CACNG2: variants seen among roughly 807,000 people sequenced by gnomAD.
CACNG2 encodes the protein calcium voltage-gated channel auxiliary subunit gamma 2.
CACNG2 carries 3 observed loss-of-function variants against 25.9 expected under a neutral mutation model. The observed-to-expected ratio is 0.12, with a 90% CI of 0.05 to 0.30. CACNG2 has a LOEUF of 0.30. Among genes scored for constraint, CACNG2 ranks in the 10% least tolerant of loss-of-function variants. The probability of loss-of-function intolerance (pLI) is 1.00; values close to 1 mark genes in which losing one functional copy is unlikely to be tolerated. For missense variants in CACNG2, 341 were observed against 432.5 expected, an observed-to-expected ratio of 0.79 and a Z score of 1.88; for synonymous variants, 167 against 173.3, an observed-to-expected ratio of 0.96 and a Z score of 0.29.
intron 1 of CACNG2, among the ~76,000 whole-genome samples, chr22:36,667,205 G>A (rs1317136819): frequency 2.6e-5 from 4 of 152,038 alleles, no homozygotes; most frequent in Admixed American, 6.6e-5. Context: ...TTCTGACCTC[G>A]GCCTTCCAAA....
Position 36,702,468 on chromosome 22 carries a change from T to C in CACNG2, c.109A>G (p.Arg37Gly). 6.2e-7 allele frequency: 1 copy of C among 1,614,088 alleles called. No individual in the cohort carries two copies. The highest frequency in any genetic ancestry group is 8.5e-7 in the Non-Finnish European group (1 of 1,179,976). Residue 37 changes from arginine to glycine, a missense_variant, in exon 1 of 4, where the codon AGA becomes GGA. Transcript: ENST00000300105. ...AVGTDYWLYS[R>G]GVCKTKSVSE... ...ACACTTTTGGTCTTGCAAACCCCTC[T>C]GGAGTAGAGCCAATAGTCGGTTCCC...
At chr22:36,662,530 C>A (rs1936814043) in intron 1 of CACNG2, among the ~76,000 whole-genome samples, 1 of 152,224 alleles carries the variant, frequency 6.6e-6, no homozygotes, top group Admixed American at 6.5e-5. Context: ...TCTGCCTTTG[C>A]ATTCCCTCTG....
In CACNG2 at chr22:36,564,072, T is replaced by A. The variant is rs994355448; in HGVS notation, c.*279A>T. The A allele has an allele frequency of 4.7e-5, 15 of 322,128 alleles. No homozygotes were observed. Among genetic ancestry groups the A allele is most frequent in the Non-Finnish European group, 5.6e-6 (1 of 178,442 alleles). The allele number at this position is 322,128 out of a possible 1,614,324, so 20.0% of individuals were successfully genotyped here. A position where few individuals can be genotyped will look rare whatever the true frequency, so the allele number is the denominator to read the frequency against. On this transcript the variant is annotated 3_prime_UTR_variant, in exon 4 of 4. Coordinates refer to ENST00000300105, the MANE Select transcript of CACNG2 (RefSeq NM_006078.5). This position sits in a 1 kb window ranked among gnomAD's most constrained non-coding sequence, Gnocchi z 6.7. ...ATTTTTTATCCCTCTCGCTTTTTTTTAAAGTTTGTTTTCTTCCCTCGTTTA... is the reference window on the plus strand; with the variant it reads ...ATTTTTTATCCCTCTCGCTTTTTTTAAAAGTTTGTTTTCTTCCCTCGTTTA...
At chr22:36,631,772 G>C (rs1029140581) in intron 1 of CACNG2, among the ~76,000 whole-genome samples, 12 of 150,480 alleles carry the variant, frequency 8.0e-5, no homozygotes, top group Non-Finnish European at 1.5e-4. Context: ...AGCCAGTTTG[G>C]GTTGTGTTTT....
At chr22:36,599,544 T>A (rs1239783436) in intron 1 of CACNG2, among the ~76,000 whole-genome samples, 6 of 151,720 alleles carry the variant, frequency 4.0e-5, no homozygotes, top group Non-Finnish European at 7.4e-5. Flanking sequence ...TACAAAAAAA[T>A]AAAAAATTAG....
chr22:36,666,184 C>T (rs928558424), intron 1 of CACNG2, among the ~76,000 whole-genome samples: 3 of 152,082 alleles, frequency 2.0e-5, no homozygotes, highest in South Asian at 4.1e-4. Flanking sequence ...GTGGGAGGCT[C>T]GCTTTAGCCT....
At position 36,564,957 on chromosome 22, in the gene CACNG2, G is replaced by A; in HGVS notation, c.437-71C>T. The A allele has an allele frequency of 7.0e-7, 1 of 1,432,976 alleles. No individual in the cohort carries two copies. The highest frequency in any genetic ancestry group is 9.7e-7 in the Non-Finnish European group (1 of 1,029,940). 88.8% of individuals were successfully genotyped at this position (1,432,976 alleles called of 1,614,324 possible). On this transcript the variant is annotated intron_variant, in intron 3 of 3. Transcript: ENST00000300105. This position sits in a 1 kb window ranked among gnomAD's most constrained non-coding sequence, Gnocchi z 6.7. ...TTAGTTTCTCAGGAAGTCGGCCACA[G>A]GGCAGCCGTAAAGGACGGGGACAGC...
chr22:36,695,095 C>A (rs1288360279), intron 1 of CACNG2, among the ~76,000 whole-genome samples: 3 of 152,098 alleles, frequency 2.0e-5, no homozygotes, highest in Non-Finnish European at 4.4e-5. Context: ...TTGCGCCTGT[C>A]TTCTCAGCTA....
intron 1 of CACNG2, among the ~76,000 whole-genome samples, chr22:36,628,174 CT>C (rs2145955764): frequency 6.6e-6 from 1 of 152,184 alleles, no homozygotes; most frequent in South Asian, 2.1e-4. Flanking sequence ...GCATGTTTTG[CT>C]TATACAATCA....
chr22:36,683,589 A>G (rs1937155972), intron 1 of CACNG2, among the ~76,000 whole-genome samples: 1 of 152,138 alleles, frequency 6.6e-6, no homozygotes, highest in South Asian at 2.1e-4. Flanking sequence ...TCCCCCACTC[A>G]GGTATGATCA....
In CACNG2 at chr22:36,663,159, C is replaced by T. The variant is rs535433716; in HGVS notation, c.211+39207G>A. ...AGCCCTTTGAGAGGAGACCCTTGCCCAAGTCGGTCTACGGGTGGGTGCCTG... is the reference window on the plus strand; with the variant it reads ...AGCCCTTTGAGAGGAGACCCTTGCCTAAGTCGGTCTACGGGTGGGTGCCTG... On this transcript the variant is annotated intron_variant, in intron 1 of 3. Coordinates refer to ENST00000300105, the MANE Select transcript of CACNG2 (RefSeq NM_006078.5). Among the ~76,000 whole-genome samples the T allele has an allele frequency of 1.8e-4, 28 of 152,244 alleles. No homozygotes were observed. The East Asian group carries it at 5.2e-3, about 28-fold the overall frequency.
At chr22:36,701,055 C>A (rs1281584173) in intron 1 of CACNG2, among the ~76,000 whole-genome samples, 1 of 152,094 alleles carries the variant, frequency 6.6e-6, no homozygotes, top group Non-Finnish European at 1.5e-5. Flanking sequence ...CATCCATTTC[C>A]CTCTCTTCTC....
chr22:36,575,578 G>A lies in CACNG2; in HGVS notation c.296-9085C>T, dbSNP rs556826727. Among the ~76,000 whole-genome samples, 3 of 152,252 alleles carry A rather than the reference G, an allele frequency of 2.0e-5. No homozygotes were observed. In the South Asian group the frequency reaches 6.2e-4, roughly 32 times the overall value. On this transcript the variant is annotated intron_variant, in intron 2 of 3. Coordinates refer to ENST00000300105, the MANE Select transcript of CACNG2 (RefSeq NM_006078.5). The stretch of plus-strand genomic sequence containing the variant: ...AGGTCAGGAGACCTGGGCCTGCTGT[G>A]CACTCTTTGCCTAGCTCTCCACGGG...
intron 1 of CACNG2, among the ~76,000 whole-genome samples, chr22:36,636,626 T>C (rs1936361602): frequency 6.6e-6 from 1 of 152,266 alleles, no homozygotes; most frequent in Non-Finnish European, 1.5e-5. Flanking sequence ...AAATGTTTAC[T>C]CTGTGCCAGA....
At position 36,585,760 on chromosome 22, in the gene CACNG2, C is replaced by G. The variant is rs906104438; in HGVS notation, c.295+1705G>C. Among the ~76,000 whole-genome samples, 8 of 152,194 alleles carry G rather than the reference C, an allele frequency of 5.3e-5. No homozygotes were observed. The East Asian group carries it at 1.5e-3, about 29-fold the overall frequency. ...TCAAATCAGACCTTCAGAATCCTGT[C>G]GTTGCCAATCTGAGTCCAAGTCTTT... On this transcript the variant is annotated intron_variant, in intron 2 of 3. Coordinates refer to ENST00000300105, the MANE Select transcript of CACNG2 (RefSeq NM_006078.5).
chr22:36,643,045 C>T (rs1015390239), intron 1 of CACNG2, among the ~76,000 whole-genome samples: 4 of 147,862 alleles, frequency 2.7e-5, no homozygotes, highest in African/African-American at 7.4e-5. Context: ...CCCTTTCTTC[C>T]TTCCTTCTTT....
chr22:36,700,906 A>G (rs1937403374), intron 1 of CACNG2, among the ~76,000 whole-genome samples: 1 of 152,214 alleles, frequency 6.6e-6, no homozygotes, highest in Non-Finnish European at 1.5e-5. Flanking sequence ...ATGTTCAGCC[A>G]TCACTCAACC....
intron 1 of CACNG2, among the ~76,000 whole-genome samples, chr22:36,632,299 T>C (rs2145959113): frequency 6.6e-6 from 1 of 152,176 alleles, no homozygotes. Context: ...GAAGACCAAG[T>C]CCAGCTTTCA....
chr22:36,674,668 A>C (rs1936998841), intron 1 of CACNG2, among the ~76,000 whole-genome samples: 1 of 152,234 alleles, frequency 6.6e-6, no homozygotes, highest in South Asian at 2.1e-4. Context: ...CCCATTTTAC[A>C]GATGAGGAAA....
Sources: allele counts gnomAD v4.1 joint callset (sites outside exome capture counted in the v4.1 genomes callset), GRCh38; gene constraint gnomAD v4.1.1; non-coding constraint Gnocchi (gnomAD v3.1); transcripts MANE v1.5; gene names NCBI Gene and HGNC (gene_info 2026-07-23, HGNC 2026-07-21).